Variants in DOCK2 observed in about 807,000 individuals in gnomAD.
DOCK2 encodes dedicator of cytokinesis 2.
DOCK2 carries 87 observed loss-of-function variants against 248.9 expected under a neutral mutation model. The ratio of observed to expected loss-of-function variants is 0.35; its 90% confidence interval spans 0.29 to 0.42. DOCK2 has a LOEUF of 0.42. DOCK2 is among the 10% of genes least tolerant of loss of function. DOCK2 has a pLI of 1.00. For synonymous variants in DOCK2, 805 were observed against 821.6 expected (o/e 0.98, Z 0.35); for missense variants, 1,747 against 2,300.2 (o/e 0.76, Z 4.92).
intron 11 of DOCK2, among the ~76,000 whole-genome samples, 177 bp from the exon 12 acceptor site, chr5:169,699,205 A>G (rs1452792336): frequency 1.3e-5 from 2 of 152,232 alleles, no homozygotes; most frequent in African/African-American, 4.8e-5. Flanking sequence ...TTTCAGAGCC[A>G]CATTGCTTTG....
chr5:169,989,955 C>A (rs1778165647), intron 29 of DOCK2, among the ~76,000 whole-genome samples: 2 of 152,172 alleles, frequency 1.3e-5, no homozygotes, highest in Admixed American at 1.3e-4. Flanking sequence ...ATGGTAGTTC[C>A]ATCAGTGTGC....
intron 25 of DOCK2, among the ~76,000 whole-genome samples, chr5:169,781,749 C>G (rs571292673): frequency 4.9e-4 from 74 of 152,294 alleles, no homozygotes; most frequent in Non-Finnish European, 8.8e-4. Context: ...GGACCTGGAA[C>G]TCTACCACTT....
intron 5 of DOCK2, among the ~76,000 whole-genome samples, 179 bp from the exon 6 acceptor site, chr5:169,674,118 C>T (rs550561872): frequency 2.6e-5 from 4 of 152,268 alleles, no homozygotes; most frequent in African/African-American, 2.4e-5. Flanking sequence ...CTGTGGTCCA[C>T]GGGGAATAAA....
At chr5:169,970,019 G>A (rs1395484993) in intron 27 of DOCK2, among the ~76,000 whole-genome samples, 1 of 152,250 alleles carries the variant, frequency 6.6e-6, no homozygotes, top group Non-Finnish European at 1.5e-5. Flanking sequence ...GAGGCCTACA[G>A]GCTGCCTTTT....
Position 170,036,903 on chromosome 5 carries a change from T to C in DOCK2, c.3665+348T>C, listed in dbSNP as rs184505721. On this transcript the variant is annotated intron_variant, in intron 36 of 51. Transcript: ENST00000520908. ...TTACTGTGAAGCCTGAGTCCAGACATGTAGTAAGACCATTGACTAGCCCAG... is the reference window on the plus strand; with the variant it reads ...TTACTGTGAAGCCTGAGTCCAGACACGTAGTAAGACCATTGACTAGCCCAG... 1.5e-4 allele frequency among the ~76,000 whole-genome samples: 23 copies of C among 152,282 alleles called. No individual in the cohort carries two copies. The East Asian group carries it at 3.3e-3, about 22-fold the overall frequency.
At chr5:170,029,387 C>T (rs1024186782) in intron 34 of DOCK2, among the ~76,000 whole-genome samples, 2 of 152,076 alleles carry the variant, frequency 1.3e-5, no homozygotes, top group East Asian at 1.9e-4. Context: ...GCTTATGGGT[C>T]GCTTGTATAT....
chr5:170,080,321 A>G, intron 50 of DOCK2, 38 bp downstream of exon 50: 1 of 1,612,072 alleles, frequency 6.2e-7, no homozygotes, highest in East Asian at 2.2e-5. Context: ...GGGAGTAGAG[A>G]TAGTGCAGGC....
chr5:169,816,021 A>G (rs943936480), intron 26 of DOCK2, among the ~76,000 whole-genome samples: 30 of 152,204 alleles, frequency 2.0e-4, no homozygotes, highest in Admixed American at 2.0e-3. Flanking sequence ...CATTTCTTGC[A>G]TAGTGTTTGA....
At chr5:169,799,388 G>A (rs1394178870) in intron 25 of DOCK2, among the ~76,000 whole-genome samples, 2 of 152,112 alleles carry the variant, frequency 1.3e-5, no homozygotes, top group African/African-American at 4.8e-5. Context: ...CATTAAGTTA[G>A]GGAAGTTATT....
intron 19 of DOCK2, among the ~76,000 whole-genome samples, chr5:169,714,668 A>T (rs1210290581): frequency 6.6e-6 from 1 of 152,162 alleles, no homozygotes; most frequent in Non-Finnish European, 1.5e-5. Flanking sequence ...GGTGCCAGAA[A>T]ACAATGGTTA....
rs1195464200 is a variant in DOCK2, at chr5:169,825,611, G to C, written c.2704-15146G>C. 2.3e-5 allele frequency among the ~76,000 whole-genome samples: 3 copies of C among 127,992 alleles called. No homozygotes were observed. In the Admixed American group the frequency reaches 2.5e-4, roughly 11 times the overall value. 84.0% of individuals were successfully genotyped at this position (127,992 alleles called of 152,430 possible). Reference sequence around the variant, plus strand: ...CAGGGCGGGGAACATCACACACTGGGGCCTGTTGTGGGGTGGGGGGAGGGG... The same window carrying C: ...CAGGGCGGGGAACATCACACACTGGCGCCTGTTGTGGGGTGGGGGGAGGGG... On this transcript the variant is annotated intron_variant, in intron 26 of 51. Transcript: ENST00000520908.
Position 169,764,817 on chromosome 5 carries a change from A to T in DOCK2, c.2554+3192A>T, listed in dbSNP as rs1764672750. On this transcript the variant is annotated intron_variant, in intron 25 of 51. Coordinates refer to ENST00000520908, the MANE Select transcript of DOCK2 (RefSeq NM_004946.3). The surrounding 1 kb of genome is among the most constrained non-coding windows in gnomAD (Gnocchi z 4.3). ...TGAATAAAAGGGCCTTGGTTGGTAC[A>T]TGCTCTCCATTCTGACTTTGAACGT... Among the ~76,000 whole-genome samples, 1 of 150,904 alleles carries T rather than the reference A, an allele frequency of 6.6e-6. No homozygotes were observed. Among genetic ancestry groups the T allele is most frequent in the East Asian group, 1.9e-4 (1 of 5,180 alleles).
At chr5:169,871,530 A>G (rs1561782666) in intron 27 of DOCK2, among the ~76,000 whole-genome samples, 1 of 152,236 alleles carries the variant, frequency 6.6e-6, no homozygotes, top group Non-Finnish European at 1.5e-5. Flanking sequence ...AAATGAGAAA[A>G]CTGAGGCAAA....
At chr5:170,082,359 T>C (rs1462614688) in intron 51 of DOCK2, among the ~76,000 whole-genome samples, 1 of 152,186 alleles carries the variant, frequency 6.6e-6, no homozygotes, top group Non-Finnish European at 1.5e-5. Flanking sequence ...GCAAGTCCCA[T>C]CTCCTATTGT....
intron 23 of DOCK2, among the ~76,000 whole-genome samples, chr5:169,755,305 C>A (rs1181521279): frequency 6.6e-6 from 1 of 152,074 alleles, no homozygotes; most frequent in Admixed American, 6.5e-5. Flanking sequence ...TGTGTATATG[C>A]ATCACATGTA....
chr5:169,918,575 T>A lies in DOCK2; in HGVS notation c.2800-64493T>A, dbSNP rs563972175. Among the ~76,000 whole-genome samples, 6 of 152,242 alleles carry A rather than the reference T, an allele frequency of 3.9e-5. No individual in the cohort carries two copies. The South Asian group carries it at 1.2e-3, about 32-fold the overall frequency. On this transcript the variant is annotated intron_variant, in intron 27 of 51. Coordinates refer to ENST00000520908, the MANE Select transcript of DOCK2 (RefSeq NM_004946.3). Reference sequence around the variant, plus strand: ...ACATGTCCTGAGGGGAAATAAATAATCTTTAGAATATTGTCCAATATGATA... The same window carrying A: ...ACATGTCCTGAGGGGAAATAAATAAACTTTAGAATATTGTCCAATATGATA...
chr5:169,767,568 C>T (rs1764862767), intron 25 of DOCK2, among the ~76,000 whole-genome samples: 1 of 152,170 alleles, frequency 6.6e-6, no homozygotes, highest in African/African-American at 2.4e-5. Context: ...TGCATGCTAG[C>T]TGTGTTCCTT....
chr5:170,021,052 G>GT (rs1323242563), intron 33 of DOCK2, among the ~76,000 whole-genome samples: 2 of 152,224 alleles, frequency 1.3e-5, no homozygotes, highest in Non-Finnish European at 2.9e-5. Flanking sequence ...TAAGAGACTA[G>GT]TTTGCTATGA....
At chr5:169,895,422 T>C (rs1194636597) in intron 27 of DOCK2, among the ~76,000 whole-genome samples, 2 of 152,198 alleles carry the variant, frequency 1.3e-5, no homozygotes, top group South Asian at 4.2e-4. Context: ...TGGAGAACTT[T>C]CCTGGAGATC....
Sources: allele counts gnomAD v4.1 joint callset (sites outside exome capture counted in the v4.1 genomes callset), GRCh38; gene constraint gnomAD v4.1.1; non-coding constraint Gnocchi (gnomAD v3.1); transcripts MANE v1.5; gene names NCBI Gene and HGNC (gene_info 2026-07-23, HGNC 2026-07-21).